Variants in LYST observed in about 807,000 individuals in gnomAD.
The protein encoded by LYST is lysosomal trafficking regulator, also known as lysosomal-trafficking regulator.
Under a neutral mutation model 413.6 loss-of-function variants are expected in LYST, and 192 were observed. That is an observed-to-expected ratio of 0.46 (90% CI 0.41 to 0.52). The LOEUF (loss-of-function observed/expected upper bound fraction) is 0.52. LYST is among the 20% of genes least tolerant of loss of function. LYST has a pLI of 0.00. For synonymous variants in LYST, 1,525 were observed against 1,567.3 expected, an observed-to-expected ratio of 0.97 and a Z score of 0.64; for missense variants, 3,815 against 4,499.9, an observed-to-expected ratio of 0.85 and a Z score of 4.35.
rs59550727 is a variant in LYST, at chr1:235,805,628, A to AATAT, written c.3393+111_3393+114dup. The stretch of plus-strand genomic sequence containing the variant: ...TATTATATGTTATATATAACACAAT[A>AATAT]ATATATATATTACATATATTATGTA... On this transcript the variant is annotated intron_variant, in intron 6 of 52. Transcript: ENST00000389793. 12 of 353,774 alleles carry AATAT rather than the reference A, an allele frequency of 3.4e-5. No individual in the cohort carries two copies. The East Asian group carries it at 5.7e-4, about 17-fold the overall frequency. The allele number at this position is 353,774 out of a possible 1,614,324, so 21.9% of individuals were successfully genotyped here.
At chr1:235,766,712 T>G (rs912197031) in intron 20 of LYST, among the ~76,000 whole-genome samples, 4 of 152,148 alleles carry the variant, frequency 2.6e-5, no homozygotes, top group African/African-American at 9.6e-5. Flanking sequence ...CTAAATAACA[T>G]AAACTCTTAG....
At chr1:235,725,632 GCTT>G (rs1425289409) in intron 38 of LYST, among the ~76,000 whole-genome samples, 3 of 152,134 alleles carry the variant, frequency 2.0e-5, no homozygotes, top group African/African-American at 7.2e-5. Context: ...CAGTTCTCAT[GCTT>G]CCGAGTCATT....
chr1:235,671,954 G>A (rs763391158), intron 50 of LYST, among the ~76,000 whole-genome samples: 1 of 152,218 alleles, frequency 6.6e-6, no homozygotes, highest in African/African-American at 2.4e-5. Context: ...TAGTGTGATA[G>A]ATGTTAGGGT....
chr1:235,748,271 T>C (rs554942509), intron 28 of LYST, among the ~76,000 whole-genome samples: 1 of 152,280 alleles, frequency 6.6e-6, no homozygotes, highest in Non-Finnish European at 1.5e-5. Context: ...TGCTGACTAC[T>C]TCTACCTTCA....
chr1:235,864,302 C>T (rs1168631687), intron 1 of LYST, among the ~76,000 whole-genome samples: 2 of 152,016 alleles, frequency 1.3e-5, no homozygotes, highest in African/African-American at 2.4e-5. Context: ...TCTTTAAAAA[C>T]GTGAATGTCT....
intron 50 of LYST, among the ~76,000 whole-genome samples, chr1:235,670,380 CT>C (rs1404473042): frequency 6.6e-6 from 1 of 152,184 alleles, no homozygotes; most frequent in African/African-American, 2.4e-5. Flanking sequence ...GTAAATGTGC[CT>C]TGCTGAGAAA....
chr1:235,764,300 C>T (rs140989272), intron 21 of LYST, among the ~76,000 whole-genome samples: 6 of 152,198 alleles, frequency 3.9e-5, no homozygotes, highest in African/African-American at 1.4e-4. Flanking sequence ...TTTCCCTCAA[C>T]TAGGCTGTAA....
At chr1:235,748,690 T>C (rs1666155570) in intron 28 of LYST, among the ~76,000 whole-genome samples, 2 of 152,190 alleles carry the variant, frequency 1.3e-5, no homozygotes, top group South Asian at 2.1e-4. Context: ...AGCAGAAGAA[T>C]GGTAAACCTG....
Position 235,734,633 on chromosome 1 carries a change from C to T in LYST, c.8385G>A (p.Leu2795=). The part of the protein sequence containing the change: ...LQHGAKLVLY[L]SELIHNHQGE... ...CTTGGTGATTATGTATCAACTCTGACAAATACAAAACTAACTTGGCTCCAT... is the reference window on the plus strand; with the variant it reads ...CTTGGTGATTATGTATCAACTCTGATAAATACAAAACTAACTTGGCTCCAT... The change falls in exon 32 of 53, where the codon TTG becomes TTA. Residue 2795 remains leucine (L), a synonymous_variant. Coordinates refer to ENST00000389793, the MANE Select transcript of LYST (RefSeq NM_000081.4). 6.2e-7 allele frequency: 1 copy of T among 1,610,980 alleles called. No individual in the cohort carries two copies. Among genetic ancestry groups the T allele is most frequent in the African/African-American group, 1.3e-5 (1 of 74,992 alleles).
intron 1 of LYST, among the ~76,000 whole-genome samples, chr1:235,848,419 C>T (rs1268734281): frequency 6.6e-6 from 1 of 152,000 alleles, no homozygotes; most frequent in African/African-American, 2.4e-5. Context: ...TAAATGCCTA[C>T]ATCAAAAAGT....
intron 31 of LYST, among the ~76,000 whole-genome samples, chr1:235,740,736 G>A (rs1308666264): frequency 6.6e-6 from 1 of 152,060 alleles, no homozygotes; most frequent in East Asian, 1.9e-4. Flanking sequence ...GTAGTTTTTG[G>A]CCATTATGAA....
intron 1 of LYST, among the ~76,000 whole-genome samples, chr1:235,864,162 G>A (rs1680221340): frequency 6.6e-6 from 1 of 152,068 alleles, no homozygotes; most frequent in Non-Finnish European, 1.5e-5. Flanking sequence ...TTCTCATGCT[G>A]TATTCGGAGT....
intron 32 of LYST, among the ~76,000 whole-genome samples, chr1:235,734,168 G>T (rs933005355): frequency 6.6e-6 from 1 of 151,942 alleles, no homozygotes; most frequent in Non-Finnish European, 1.5e-5. Flanking sequence ...ATAGTTGCTT[G>T]CCTCCTTACT....
Position 235,759,613 on chromosome 1 carries a change from A to G in LYST, c.6254-14T>C, listed in dbSNP as rs1667385756. On this transcript the variant is annotated splice_polypyrimidine_tract_variant and intron_variant, in intron 22 of 52. Transcript: ENST00000389793. ...AGGAATTCTCTCCTGGTAAGAGTAG[A>G]TACAAAAATACTACTTAAAAATCTA... The G allele has an allele frequency of 6.3e-7, 1 of 1,594,696 alleles. No individual in the cohort carries two copies. The highest frequency in any genetic ancestry group is 8.6e-7 in the Non-Finnish European group (1 of 1,162,828).
chr1:235,822,460 T>C (rs1054415730), intron 3 of LYST, among the ~76,000 whole-genome samples: 3 of 152,202 alleles, frequency 2.0e-5, no homozygotes, highest in African/African-American at 2.4e-5. Context: ...GCGGAGCAGA[T>C]AACCTGTCTA....
intron 50 of LYST, among the ~76,000 whole-genome samples, chr1:235,676,643 A>T (rs772006444): frequency 3.3e-5 from 5 of 152,126 alleles, no homozygotes; most frequent in African/African-American, 7.2e-5. Context: ...TGTTTCATAG[A>T]TGGAATGCTG....
At chr1:235,764,340 C>T (rs1325943048) in intron 21 of LYST, among the ~76,000 whole-genome samples, 2 of 152,170 alleles carry the variant, frequency 1.3e-5, no homozygotes, top group East Asian at 1.9e-4. Context: ...CATATTTTAC[C>T]CATCTTTGTA....
rs959024791 is a variant in LYST at position 235,662,823 on chromosome 1, T to C, written c.*117A>G. The C allele has an allele frequency of 1.3e-6, 1 of 776,074 alleles. No individual in the cohort carries two copies. The highest frequency in any genetic ancestry group is 2.4e-6 in the Non-Finnish European group (1 of 421,444). The allele number at this position is 776,074 out of a possible 1,614,324, so 48.1% of individuals were successfully genotyped here. On this transcript the variant is annotated 3_prime_UTR_variant, in exon 53 of 53. Coordinates refer to ENST00000389793, the MANE Select transcript of LYST (RefSeq NM_000081.4). ...TGTGCAGATGAATAGACTTTATCATTATTTGGATGGTTTGTCCAGTCATCC... is the reference window on the plus strand; with the variant it reads ...TGTGCAGATGAATAGACTTTATCATCATTTGGATGGTTTGTCCAGTCATCC...
rs886046164 is a variant in LYST at position 235,664,070 on chromosome 1, A to C, written c.11196-15T>G. The C allele has an allele frequency of 6.3e-7, 1 of 1,588,356 alleles. No individual in the cohort carries two copies. The highest frequency in any genetic ancestry group is 8.6e-7 in the Non-Finnish European group (1 of 1,156,570). ...TGCTCCATAACCTAGAGGGGAAAAAAATCATCTAATTATGCAAACTAAAAT... is the reference window on the plus strand; with the variant it reads ...TGCTCCATAACCTAGAGGGGAAAAACATCATCTAATTATGCAAACTAAAAT... On this transcript the variant is annotated splice_polypyrimidine_tract_variant and intron_variant, in intron 51 of 52. Transcript: ENST00000389793. The surrounding 1 kb of genome is among the most constrained non-coding windows in gnomAD (Gnocchi z 4.5).
Sources: allele counts gnomAD v4.1 joint callset (sites outside exome capture counted in the v4.1 genomes callset), GRCh38; gene constraint gnomAD v4.1.1; non-coding constraint Gnocchi (gnomAD v3.1); transcripts MANE v1.5; gene names NCBI Gene and HGNC (gene_info 2026-07-23, HGNC 2026-07-21).